Variants in PLXNB2 observed in about 807,000 individuals in gnomAD.
PLXNB2 encodes the protein plexin-B2.
A neutral mutation model predicts 202.6 loss-of-function variants in PLXNB2; 85 were observed. That is an observed-to-expected ratio of 0.42 (90% CI 0.35 to 0.50). The LOEUF (loss-of-function observed/expected upper bound fraction) is 0.50. PLXNB2 is among the 20% of genes least tolerant of loss of function. The probability of loss-of-function intolerance (pLI) is 0.02; values close to 1 mark genes in which losing one functional copy is unlikely to be tolerated. For missense variants in PLXNB2, 2,063 were observed against 2,586.2 expected, an observed-to-expected ratio of 0.80 and a Z score of 4.39; for synonymous variants, 1,239 against 1,137.6, an observed-to-expected ratio of 1.09 and a Z score of -1.79.
At chr22:50,303,303 C>A (rs1326181007) in intron 1 of PLXNB2, among the ~76,000 whole-genome samples, 1 of 152,214 alleles carries the variant, frequency 6.6e-6, no homozygotes, top group Non-Finnish European at 1.5e-5. Flanking sequence ...ACTGCCTCGG[C>A]CTTCAGCACC....
intron 1 of PLXNB2, among the ~76,000 whole-genome samples, chr22:50,300,473 G>A (rs73437477): frequency 0.023 from 3,530 of 152,306 alleles, 141 homozygotes; most frequent in African/African-American, 0.082. Context: ...CAGGACTCCG[G>A]ACCCAGGGTC....
Position 50,283,351 on chromosome 22 carries a change from G to A in PLXNB2, c.2665C>T (p.Gln889Ter), listed in dbSNP as rs1474585625. 1 of 1,613,120 alleles carries A rather than the reference G, an allele frequency of 6.2e-7. No homozygotes were observed. The highest frequency in any genetic ancestry group is 1.1e-5 in the South Asian group (1 of 91,084). The change falls in exon 16 of 37, where the codon CAG becomes TAG. Residue 889 changes from glutamine (Q) to a stop codon, truncating the protein, a stop_gained. Coordinates refer to ENST00000359337, the MANE Select transcript of PLXNB2 (RefSeq NM_012401.4). LOFTEE classifies it high-confidence loss of function. The part of the protein sequence containing the change: ...GKLGRSPPNV[Q>*]FTFQQPKPLS... ...CGGGTGCTTACTTGGAAGGTGAACT[G>A]GACATTGGGAGGCGAACGGCCCAGT... is the stretch of plus-strand genomic sequence containing the variant.
intron 7 of PLXNB2, 57 bp downstream of exon 7, chr22:50,287,610 A>T: frequency 6.8e-7 from 1 of 1,464,530 alleles, no homozygotes; most frequent in Non-Finnish European, 9.2e-7. Flanking sequence ...AGCATGGGGG[A>T]GCCCCCACCT....
chr22:50,278,265 G>A lies in PLXNB2; in HGVS notation c.4739C>T (p.Ala1580Val). ...CACCCGGTTCTCCTCCTCCAGGAGG[G>A]CATGGCCTGTGGGGAGCGGGCACTG... ...SQQDLPGERH[A>V]LLEEENRVWH... Residue 1580 changes from alanine to valine, a missense_variant, in exon 31 of 37, where the codon GCC (alanine) becomes GTC (valine). By Grantham distance (64) the Ala-to-Val change is moderately conservative. Coordinates refer to ENST00000359337, the MANE Select transcript of PLXNB2 (RefSeq NM_012401.4). The A allele has an allele frequency of 6.2e-7, 1 of 1,610,694 alleles. No homozygotes were observed.
At position 50,290,117 on chromosome 22, in the gene PLXNB2, C is replaced by T. The variant is rs1374730259; in HGVS notation, c.468G>A (p.Leu156=). The T allele has an allele frequency of 3.1e-6, 5 of 1,612,978 alleles. No individual in the cohort carries two copies. The highest frequency in any genetic ancestry group is 2.2e-5 in the East Asian group (1 of 44,898). ...SNDEGVATVG[L]VSSTGPGGDR... ...CACCACCAGGACCCGTGGAGCTCAC[C>T]AGCCCCACTGTGGCCACGCCCTCAT... The change falls in exon 3 of 37, where the codon CTG becomes CTA. Residue 156 remains leucine, a synonymous_variant. Transcript: ENST00000359337.
At position 50,287,120 on chromosome 22, in the gene PLXNB2, G is replaced by A. The variant is rs749196497; in HGVS notation, c.1753C>T (p.Pro585Ser). ...CGGGAAGGGGCCTCACCCTGGCCTG[G>A]CGGTGTGACGGGGATGCTGCTTGGG... Reference protein sequence around the residue: ...NSPSSIPVTPPGQDHVAVTIQ... With the variant: ...NSPSSIPVTPSGQDHVAVTIQ... Residue 585 changes from proline to serine, a missense_variant, in exon 8 of 37, where the codon CCA becomes TCA. This residue lies in a region of PLXNB2 where 1,303 missense variants were observed against 1,476.8 expected (regional missense o/e 0.88). Transcript: ENST00000359337. The A allele has an allele frequency of 8.2e-5, 125 of 1,523,030 alleles. No individual in the cohort carries two copies. Among genetic ancestry groups the A allele is most frequent in the Non-Finnish European group, 1.1e-4 (119 of 1,131,380 alleles). The allele number at this position is 1,523,030 out of a possible 1,614,324, so 94.3% of individuals were successfully genotyped here. A position where few individuals can be genotyped will look rare whatever the true frequency, so the allele number is the denominator to read the frequency against.
At chr22:50,276,490 C>G (rs1182532413) in intron 35 of PLXNB2, 139 bp downstream of exon 35, 2 of 720,730 alleles carry the variant, frequency 2.8e-6, no homozygotes, top group African/African-American at 1.8e-5. Flanking sequence ...TTCACATGGC[C>G]GAGCCCACCT....
Position 50,283,621 on chromosome 22 carries a change from G to A in PLXNB2, c.2551C>T (p.Arg851Cys), listed in dbSNP as rs1407238581. Residue 851 changes from arginine (R) to cysteine (C), a missense_variant, in exon 15 of 37, where the codon CGT becomes TGT. Transcript: ENST00000359337. Reference sequence around the variant, plus strand: ...ACTCACCGGGTGGACACGGAGTAACGTTCCGGCTGAAAGGAGCAGTTCCGG... The same window carrying A: ...ACTCACCGGGTGGACACGGAGTAACATTCCGGCTGAAAGGAGCAGTTCCGG... ...AGRNCSFQPERYSVSTRIVCV... is the reference protein window; with the variant it reads ...AGRNCSFQPECYSVSTRIVCV... The A allele has an allele frequency of 3.0e-5, 48 of 1,612,314 alleles. No individual in the cohort carries two copies. Among genetic ancestry groups the A allele is most frequent in the Non-Finnish European group, 3.6e-5 (43 of 1,179,750 alleles).
At position 50,288,078 on chromosome 22, in the gene PLXNB2, G is replaced by T; in HGVS notation, c.1381-41C>A. The T allele has an allele frequency of 6.9e-7, 1 of 1,452,366 alleles. No individual in the cohort carries two copies. The highest frequency in any genetic ancestry group is 9.4e-7 in the Non-Finnish European group (1 of 1,061,196). The allele number at this position is 1,452,366 out of a possible 1,614,324, so 90.0% of individuals were successfully genotyped here. On this transcript the variant is annotated intron_variant, in intron 5 of 36. Coordinates refer to ENST00000359337, the MANE Select transcript of PLXNB2 (RefSeq NM_012401.4). The surrounding 1 kb of genome is among the most constrained non-coding windows in gnomAD (Gnocchi z 5.0). ...CGTGAGTGGGACCACAGCAGAGGCC[G>T]CACGGGCCTTCCGCAGACCCCAGAT...
In PLXNB2 at chr22:50,290,284, G is replaced by A. The variant is rs1428033490; in HGVS notation, c.301C>T (p.Leu101=). 6.2e-7 allele frequency: 1 copy of A among 1,611,866 alleles called. No homozygotes were observed. Residue 101 remains leucine, a synonymous_variant, in exon 3 of 37, where the codon CTG becomes TTG. Coordinates refer to ENST00000359337, the MANE Select transcript of PLXNB2 (RefSeq NM_012401.4). ...EMTDNVNQLL[L]LDPPRKRLVE... Reference sequence around the variant, plus strand: ...AGGCGCTTCCTGGGAGGGTCGAGCAGCAGCAGCTGGTTGACATTGTCAGTC... The same window carrying A: ...AGGCGCTTCCTGGGAGGGTCGAGCAACAGCAGCTGGTTGACATTGTCAGTC...
Position 50,289,489 on chromosome 22 carries a change from C to A in PLXNB2, c.1068+28G>T, listed in dbSNP as rs775271295. 1.3e-6 allele frequency: 2 copies of A among 1,568,144 alleles called. No individual in the cohort carries two copies. Among genetic ancestry groups the A allele is most frequent in the Non-Finnish European group, 1.7e-6 (2 of 1,155,290 alleles). On this transcript the variant is annotated intron_variant, in intron 3 of 36. Transcript: ENST00000359337. This position sits in a 1 kb window ranked among gnomAD's most constrained non-coding sequence, Gnocchi z 8.0. ...CACGAACGGACGCCTGCAGTCCGGG[C>A]CCTGCGAGAACACACTGAGGCCCAT...
In PLXNB2 at chr22:50,291,736, C is replaced by T. The variant is rs1210273201; in HGVS notation, c.-13-1139G>A. 2.0e-5 allele frequency among the ~76,000 whole-genome samples: 3 copies of T among 152,172 alleles called. No homozygotes were observed. The highest frequency in any genetic ancestry group is 4.4e-5 in the Non-Finnish European group (3 of 68,010). On this transcript the variant is annotated intron_variant, in intron 2 of 36. Coordinates refer to ENST00000359337, the MANE Select transcript of PLXNB2 (RefSeq NM_012401.4). The surrounding 1 kb of genome is among the most constrained non-coding windows in gnomAD (Gnocchi z 4.3). ...TGGCCAGTGATCCCTACATCAGCCT[C>T]CCCTGCCAGTGCCCCCTCCTCATGC...
chr22:50,281,482 G>C lies in PLXNB2; in HGVS notation c.3540C>G (p.Arg1180=). ...ACTCCACGCGGCCCAGCACCCACTC[G>C]CGAGAGCCGAACTTCACCTGTGTGG... ...LPEFIVKFGS[R]EWVLGRVEYD... The change falls in exon 22 of 37, where the codon CGC becomes CGG. Residue 1180 remains arginine (R), a synonymous_variant. Transcript: ENST00000359337. The C allele has an allele frequency of 6.2e-7, 1 of 1,612,064 alleles. No individual in the cohort carries two copies. Among genetic ancestry groups the C allele is most frequent in the Non-Finnish European group, 8.5e-7 (1 of 1,179,646 alleles).
intron 23 of PLXNB2, 36 bp from the exon 24 acceptor site, chr22:50,281,009 G>A (rs374222989): frequency 2.4e-5 from 38 of 1,601,750 alleles, no homozygotes; most frequent in African/African-American, 2.7e-5. Flanking sequence ...CCCTGGCCAC[G>A]TGGGGCCCTG....
Position 50,281,300 on chromosome 22 carries a change from G to A in PLXNB2, c.3662+60C>T, listed in dbSNP as rs1463683976. ...GTGCAGGGCGGCGGATGAGGCCAGA[G>A]GGGCCGAGGCGGGAGGGCCGAGGGC... is the stretch of plus-strand genomic sequence containing the variant. On this transcript the variant is annotated intron_variant, in intron 22 of 36. Transcript: ENST00000359337. 1.6e-5 allele frequency: 26 copies of A among 1,595,248 alleles called. No homozygotes were observed. The East Asian group carries it at 2.5e-4, about 15-fold the overall frequency.
Position 50,278,444 on chromosome 22 carries a change from G to C in PLXNB2, c.4723C>G (p.Pro1575Ala). The C allele has an allele frequency of 6.4e-7, 1 of 1,559,088 alleles. No homozygotes were observed. Among genetic ancestry groups the C allele is most frequent in the Non-Finnish European group, 8.7e-7 (1 of 1,151,548 alleles). ...QQPEDSQQDLPGERHALLEEE... is the reference protein window; with the variant it reads ...QQPEDSQQDLAGERHALLEEE... Reference sequence around the variant, plus strand: ...ACAGGGAGGGACTCACGCTCCCCAGGCAGGTCCTGCTGGCTGTCCTCCGGC... The same window carrying C: ...ACAGGGAGGGACTCACGCTCCCCAGCCAGGTCCTGCTGGCTGTCCTCCGGC... Residue 1575 changes from proline (P) to alanine (A), a missense_variant, in exon 30 of 37, where the codon CCT becomes GCT. By Grantham distance (27) the Pro-to-Ala change is conservative (BLOSUM62 -1). Coordinates refer to ENST00000359337, the MANE Select transcript of PLXNB2 (RefSeq NM_012401.4).
In PLXNB2 at chr22:50,281,150, G is replaced by A. The variant is rs376661564; in HGVS notation, c.3702C>T (p.Ile1234=). Residue 1234 remains isoleucine, a synonymous_variant, in exon 23 of 37, where the codon ATC becomes ATT. Coordinates refer to ENST00000359337, the MANE Select transcript of PLXNB2 (RefSeq NM_012401.4). ...SQQAEREYEK[I]KSQLEGLEES... ...CCTCCAGGCCCTCCAGCTGGGACTT[G>A]ATCTTCTCATACTCTCGTTCGGCCT... 3.7e-6 allele frequency: 6 copies of A among 1,613,130 alleles called. No homozygotes were observed. The highest frequency in any genetic ancestry group is 4.2e-6 in the Non-Finnish European group (5 of 1,179,934).
Position 50,278,931 on chromosome 22 carries a change from G to C in PLXNB2, c.4470C>G (p.Val1490=). Residue 1490 remains valine (V), a synonymous_variant, in exon 28 of 37, where the codon GTC becomes GTG. Coordinates refer to ENST00000359337, the MANE Select transcript of PLXNB2 (RefSeq NM_012401.4). ...KVLNCDTISQ[V]KEKIIDQVYR... ...ACACCTGGTCAATGATCTTCTCCTT[G>C]ACCTGGGAGATGGTGTCACAGTTGA... The C allele has an allele frequency of 6.2e-7, 1 of 1,613,786 alleles. No homozygotes were observed. Among genetic ancestry groups the C allele is most frequent in the Non-Finnish European group, 8.5e-7 (1 of 1,179,906 alleles).
At chr22:50,299,289 C>T (rs1213144502) in intron 1 of PLXNB2, among the ~76,000 whole-genome samples, 1 of 108,464 alleles carries the variant, frequency 9.2e-6, no homozygotes, top group Non-Finnish European at 2.0e-5. Flanking sequence ...GGACACAGGC[C>T]CTGCGTGGGG....
Sources: allele counts gnomAD v4.1 joint callset (sites outside exome capture counted in the v4.1 genomes callset), GRCh38; gene constraint gnomAD v4.1.1; regional missense constraint gnomAD v4.1.1; non-coding constraint Gnocchi (gnomAD v3.1); transcripts MANE v1.5; gene names NCBI Gene and HGNC (gene_info 2026-07-23, HGNC 2026-07-21).